Variants in NFIA observed in about 807,000 individuals in gnomAD.
NFIA encodes nuclear factor 1 A-type.
NFIA carries 8 observed loss-of-function variants against 62.8 expected under a neutral mutation model. The observed-to-expected ratio is 0.13, with a 90% confidence interval of 0.07 to 0.23. The LOEUF (loss-of-function observed/expected upper bound fraction) is 0.23. NFIA is among the 10% of genes least tolerant of loss of function. NFIA has a pLI of 1.00. For missense variants in NFIA, 410 were observed against 642.1 expected (o/e 0.64, Z 3.91); for synonymous variants, 235 against 238.1 (o/e 0.99, Z 0.12).
chr1:61,390,482 CAG>C (rs1664917630), intron 7 of NFIA, among the ~76,000 whole-genome samples: 1 of 152,138 alleles, frequency 6.6e-6, no homozygotes, highest in Admixed American at 6.5e-5. Context: ...GAGAGGTAGT[CAG>C]AAGTTTATAT....
At chr1:61,112,828 A>C (rs1253812357) in intron 2 of NFIA, among the ~76,000 whole-genome samples, 1 of 152,144 alleles carries the variant, frequency 6.6e-6, no homozygotes, top group Non-Finnish European at 1.5e-5. Flanking sequence ...TTTCATATGC[A>C]TTGATTATTA....
intron 2 of NFIA, among the ~76,000 whole-genome samples, chr1:61,245,731 CCTCT>C (rs1054997666): frequency 1.3e-5 from 2 of 151,884 alleles, no homozygotes; most frequent in African/African-American, 4.8e-5. Context: ...ATCACATTCT[CCTCT>C]CTGTGTATCT....
At chr1:61,428,912 A>C (rs974645852) in intron 10 of NFIA, among the ~76,000 whole-genome samples, 6 of 152,186 alleles carry the variant, frequency 3.9e-5, no homozygotes, top group Non-Finnish European at 7.3e-5. Context: ...CTACCTATGG[A>C]GAAATAAGAA....
intron 2 of NFIA, among the ~76,000 whole-genome samples, chr1:61,110,269 TA>T (rs2100451913): frequency 6.6e-6 from 1 of 151,782 alleles, no homozygotes; most frequent in South Asian, 2.1e-4. Context: ...TTTTTTTTTT[TA>T]CATGAGAGTT....
chr1:61,439,451 G>A (rs1045050856), intron 10 of NFIA: 6 of 152,122 alleles, frequency 3.9e-5, no homozygotes, highest in Admixed American at 3.9e-4. Context: ...ATTGTGACAG[G>A]GTGCCACATG....
chr1:61,332,942 A>G (rs1173222822), intron 4 of NFIA, among the ~76,000 whole-genome samples: 2 of 152,128 alleles, frequency 1.3e-5, no homozygotes, highest in African/African-American at 2.4e-5. Flanking sequence ...CAGTTTGTCA[A>G]TAATCACTAA....
At chr1:61,375,733 C>T (rs535575424) in intron 6 of NFIA, among the ~76,000 whole-genome samples, 5 of 152,214 alleles carry the variant, frequency 3.3e-5, no homozygotes, top group African/African-American at 1.2e-4. Flanking sequence ...GGACCATTCC[C>T]ATCAGTAGAC....
intron 2 of NFIA, among the ~76,000 whole-genome samples, chr1:61,223,264 T>C (rs927749197): frequency 6.6e-6 from 1 of 152,058 alleles, no homozygotes; most frequent in Admixed American, 6.5e-5. Flanking sequence ...GACTACTCTT[T>C]GGCCAGGAAA....
rs560839609 is a variant in NFIA at position 61,440,416 on chromosome 1, A to G, written c.1512+13860A>G. Among the ~76,000 whole-genome samples the G allele has an allele frequency of 3.0e-4, 46 of 152,356 alleles. No homozygotes were observed. In the South Asian group the frequency reaches 9.5e-3, roughly 32 times the overall value. ...GATTGCTACCAAGTAATTCTCATAT[A>G]CAGTTGAGAACAAGTTGAGATGCAG... On this transcript the variant is annotated intron_variant, in intron 10 of 10. Coordinates refer to ENST00000403491, the MANE Select transcript of NFIA (RefSeq NM_001134673.4).
intron 2 of NFIA, among the ~76,000 whole-genome samples, chr1:61,121,828 C>T (rs1414916017): frequency 6.6e-6 from 1 of 152,164 alleles, no homozygotes; most frequent in East Asian, 1.9e-4. Flanking sequence ...GTAGAACTCT[C>T]TTTTTCATTT....
chr1:61,462,045 C>CTTTTGTTTTTTTTT lies in NFIA; in HGVS notation c.*6729_*6730insGTTTTTTTTTTTTT, dbSNP rs1668561596. 2.5e-5 allele frequency: 1 copy of CTTTTGTTTTTTTTT among 40,788 alleles called. No homozygotes were observed. The highest frequency in any genetic ancestry group is 1.1e-4 in the African/African-American group (1 of 8,764). 2.5% of individuals were successfully genotyped at this position (40,788 alleles called of 1,614,324 possible). A position where few individuals can be genotyped will look rare whatever the true frequency, so the allele number is the denominator to read the frequency against. On this transcript the variant is annotated 3_prime_UTR_variant, in exon 11 of 11. Transcript: ENST00000403491. ...TTGGGTTTTTTTTTTTTTTTTTTGG[C>CTTTTGTTTTTTTTT]TTTTTTTTTTGTTTGTTTTTTTTTC...
rs572430222 is a variant in NFIA, at chr1:61,437,188, A to G, written c.1512+10632A>G. 9.2e-5 allele frequency among the ~76,000 whole-genome samples: 14 copies of G among 152,316 alleles called. No individual in the cohort carries two copies. In the East Asian group the frequency reaches 2.1e-3, roughly 23 times the overall value. ...CCTGTTGCCTTGACTAGTGAAGGGA[A>G]GCATAAGGCCAGCCCTCATGACATA... On this transcript the variant is annotated intron_variant, in intron 10 of 10. Transcript: ENST00000403491.
chr1:61,185,142 A>G (rs903618023), intron 2 of NFIA, among the ~76,000 whole-genome samples: 1 of 152,174 alleles, frequency 6.6e-6, no homozygotes, highest in African/African-American at 2.4e-5. Flanking sequence ...TTATCTTTGC[A>G]CCCTGACATG....
In NFIA at chr1:61,088,784, C is replaced by CACGT; in HGVS notation, c.559+107_559+110dup. The CACGT allele has an allele frequency of 7.6e-7, 1 of 1,312,560 alleles. No homozygotes were observed. Among genetic ancestry groups the CACGT allele is most frequent in the Non-Finnish European group, 1.0e-6 (1 of 962,686 alleles). The allele number at this position is 1,312,560 out of a possible 1,614,324, so 81.3% of individuals were successfully genotyped here. ...TTCCTGAGCTCCCCAAGTTGCAGGC[C>CACGT]ACGTACATGAAGCCAGTGTGGTTTC... On this transcript the variant is annotated intron_variant, in intron 2 of 10. Coordinates refer to ENST00000403491, the MANE Select transcript of NFIA (RefSeq NM_001134673.4). The surrounding 1 kb of genome is among the most constrained non-coding windows in gnomAD (Gnocchi z 4.5).
intron 2 of NFIA, among the ~76,000 whole-genome samples, chr1:61,095,243 T>C (rs1557561037): frequency 6.6e-6 from 1 of 152,208 alleles, no homozygotes; most frequent in Non-Finnish European, 1.5e-5. Context: ...AAATAACTTT[T>C]ATTGAATGTC....
intron 2 of NFIA, among the ~76,000 whole-genome samples, chr1:61,213,959 A>G (rs929740825): frequency 6.6e-6 from 1 of 152,214 alleles, no homozygotes; most frequent in Non-Finnish European, 1.5e-5. Flanking sequence ...GATACACTCC[A>G]GGAAGGTGGG....
chr1:61,114,461 C>T (rs1260138062), intron 2 of NFIA, among the ~76,000 whole-genome samples: 1 of 152,100 alleles, frequency 6.6e-6, no homozygotes, highest in Non-Finnish European at 1.5e-5. Context: ...TGCACTCCAG[C>T]CTGGGCAACA....
intron 2 of NFIA, among the ~76,000 whole-genome samples, chr1:61,160,970 A>C (rs571473557): frequency 1.3e-5 from 2 of 152,344 alleles, no homozygotes; most frequent in East Asian, 3.9e-4. Context: ...GCTGGAGTGC[A>C]GTGGCACAAT....
chr1:61,292,088 A>G (rs1392874009), intron 3 of NFIA, among the ~76,000 whole-genome samples: 2 of 152,192 alleles, frequency 1.3e-5, no homozygotes, highest in African/African-American at 2.4e-5. Flanking sequence ...TGGGTGACAC[A>G]TGACCACCTG....
Sources: allele counts gnomAD v4.1 joint callset (sites outside exome capture counted in the v4.1 genomes callset), GRCh38; gene constraint gnomAD v4.1.1; non-coding constraint Gnocchi (gnomAD v3.1); transcripts MANE v1.5; gene names NCBI Gene and HGNC (gene_info 2026-07-23, HGNC 2026-07-21).